Variants in CSMD1 observed in about 807,000 individuals in gnomAD.
CSMD1 encodes the protein CUB and sushi domain-containing protein 1.
In CSMD1, 213 loss-of-function variants were observed where a neutral mutation model predicts 417.5. That is an observed-to-expected ratio of 0.51 (90% confidence interval 0.46 to 0.57). CSMD1 has a LOEUF of 0.57. Among genes scored for constraint, CSMD1 ranks in the 20% least tolerant of loss-of-function variants. The pLI is 0.00. For synonymous variants in CSMD1, 2,862 were observed against 1,736.8 expected, an observed-to-expected ratio of 1.65 and a Z score of -16.11; for missense variants, 6,923 against 4,529.7, an observed-to-expected ratio of 1.53 and a Z score of -15.17.
At chr8:3,856,580 C>A (rs939356721) in intron 5 of CSMD1, among the ~76,000 whole-genome samples, 21 of 152,154 alleles carry the variant, frequency 1.4e-4, no homozygotes, top group Admixed American at 6.6e-5. Flanking sequence ...GTATGGCAGA[C>A]TGTATTCTAA....
intron 7 of CSMD1, among the ~76,000 whole-genome samples, chr8:3,694,902 G>A (rs1196597285): frequency 6.6e-6 from 1 of 151,998 alleles, no homozygotes; most frequent in African/African-American, 2.4e-5. Flanking sequence ...GGGTGTGAGG[G>A]GAAATCGCAC....
chr8:3,779,395 G>A (rs533244598), intron 5 of CSMD1, among the ~76,000 whole-genome samples: 1 of 152,264 alleles, frequency 6.6e-6, no homozygotes, highest in Non-Finnish European at 1.5e-5. Context: ...CAGAAACCCT[G>A]TAATCGATGA....
intron 16 of CSMD1, among the ~76,000 whole-genome samples, chr8:3,396,599 T>C (rs1277468849): frequency 1.3e-5 from 2 of 152,170 alleles, no homozygotes; most frequent in African/African-American, 4.8e-5. Flanking sequence ...TATCTAATAT[T>C]CTGTCTTACA....
Position 3,668,120 on chromosome 8 carries a change from T to C in CSMD1, c.1009+40294A>G, listed in dbSNP as rs997126494. ...GCTAGAAGGCAATGGGGAGAGAGCG[T>C]TGAACACAATTTGGACAGATAACGA... On this transcript the variant is annotated intron_variant, in intron 7 of 69. Coordinates refer to ENST00000635120, the MANE Select transcript of CSMD1 (RefSeq NM_033225.6). Among the ~76,000 whole-genome samples, 9 of 152,164 alleles carry C rather than the reference T, an allele frequency of 5.9e-5. No individual in the cohort carries two copies. In the South Asian group the frequency reaches 1.0e-3, roughly 18 times the overall value.
chr8:4,381,715 C>A (rs189937239), intron 3 of CSMD1, among the ~76,000 whole-genome samples: 99 of 152,280 alleles, frequency 6.5e-4, no homozygotes, highest in African/African-American at 2.3e-3. Context: ...AAAGTTCACG[C>A]TGCCGTGGAT....
intron 50 of CSMD1, 62 bp downstream of exon 50, chr8:3,052,400 C>T: frequency 2.2e-6 from 3 of 1,386,480 alleles, no homozygotes; most frequent in Non-Finnish European, 2.9e-6. Flanking sequence ...CCGGACTTCT[C>T]CCGAAAGCAT....
At chr8:3,237,678 T>A (rs1799236573) in intron 26 of CSMD1, among the ~76,000 whole-genome samples, 1 of 143,914 alleles carries the variant, frequency 6.9e-6, no homozygotes, top group Non-Finnish European at 1.5e-5. Flanking sequence ...ATAATTTTTA[T>A]AATTATACTT....
intron 13 of CSMD1, among the ~76,000 whole-genome samples, chr8:3,408,876 T>C (rs1812513114): frequency 6.6e-6 from 1 of 152,220 alleles, no homozygotes; most frequent in Admixed American, 6.5e-5. Context: ...TTCCATATAA[T>C]TTTGTACACA....
intron 3 of CSMD1, among the ~76,000 whole-genome samples, chr8:4,079,540 C>G (rs997524138): frequency 6.6e-6 from 1 of 152,160 alleles, no homozygotes; most frequent in Admixed American, 6.5e-5. Context: ...GATGCCAAAA[C>G]ACTGAAGATA....
intron 4 of CSMD1, among the ~76,000 whole-genome samples, chr8:3,998,341 G>T (rs1815388585): frequency 1.3e-5 from 2 of 152,136 alleles, no homozygotes; most frequent in African/African-American, 4.8e-5. Context: ...GGGAAAGATG[G>T]AAACGGTGGC....
intron 10 of CSMD1, among the ~76,000 whole-genome samples, chr8:3,528,450 T>C (rs1008890222): frequency 5.3e-5 from 8 of 152,222 alleles, no homozygotes; most frequent in Non-Finnish European, 1.0e-4. Context: ...TGCCTGCTTC[T>C]ATGCCTTGCT....
chr8:4,598,988 G>A (rs1018658106), intron 2 of CSMD1, among the ~76,000 whole-genome samples: 19 of 152,086 alleles, frequency 1.2e-4, no homozygotes, highest in African/African-American at 4.1e-4. Context: ...AGAAAGTTAC[G>A]TGTACCAGAA....
chr8:4,221,392 AAC>A lies in CSMD1; in HGVS notation c.416-189295_416-189294del, dbSNP rs1170118965. ...AAGGAAAGTGAGAAAAAAAAAAAAAAACAACACATTGACAGCAGCAAAACTTG... is the reference window on the plus strand; with the variant it reads ...AAGGAAAGTGAGAAAAAAAAAAAAAAAACACATTGACAGCAGCAAAACTTG... On this transcript the variant is annotated intron_variant, in intron 3 of 69. Transcript: ENST00000635120. Among the ~76,000 whole-genome samples, 146 of 151,214 alleles carry A rather than the reference AAC, an allele frequency of 9.7e-4. 1 individual carries two copies. The highest frequency in any genetic ancestry group is 3.6e-3 in the South Asian group (17 of 4,766).
chr8:4,048,985 G>A (rs528996968), intron 3 of CSMD1, among the ~76,000 whole-genome samples: 1 of 152,168 alleles, frequency 6.6e-6, no homozygotes, highest in South Asian at 2.1e-4. Flanking sequence ...ATTTCTCTAA[G>A]GTTGATACAA....
chr8:4,596,503 C>T (rs1449130448), intron 2 of CSMD1, among the ~76,000 whole-genome samples: 1 of 152,074 alleles, frequency 6.6e-6, no homozygotes, highest in Non-Finnish European at 1.5e-5. Flanking sequence ...GTATAACACA[C>T]AAGACTCTGT....
chr8:4,146,593 C>CTTTT (rs1208930261), intron 3 of CSMD1, among the ~76,000 whole-genome samples: 4,236 of 90,590 alleles, frequency 0.047, 1,030 homozygotes, highest in South Asian at 0.072. Flanking sequence ...TATATGGACA[C>CTTTT]ATTTTTTTTT....
chr8:3,893,468 G>A (rs1807137378), intron 5 of CSMD1, among the ~76,000 whole-genome samples: 1 of 150,312 alleles, frequency 6.7e-6, no homozygotes, highest in Admixed American at 6.7e-5. Flanking sequence ...TTTTGCAAAG[G>A]ATAAAGCAAA....
chr8:4,272,401 G>C (rs1405301204), intron 3 of CSMD1, among the ~76,000 whole-genome samples: 1 of 152,148 alleles, frequency 6.6e-6, no homozygotes, highest in African/African-American at 2.4e-5. Context: ...AAGACCTATA[G>C]ACAATGAGGA....
chr8:4,711,064 A>G (rs1808262234), intron 1 of CSMD1, among the ~76,000 whole-genome samples: 1 of 151,876 alleles, frequency 6.6e-6, no homozygotes, highest in African/African-American at 2.4e-5. Context: ...AGGCAAAATC[A>G]TGACATGATA....
Sources: allele counts gnomAD v4.1 joint callset (sites outside exome capture counted in the v4.1 genomes callset), GRCh38; gene constraint gnomAD v4.1.1; transcripts MANE v1.5; gene names NCBI Gene and HGNC (gene_info 2026-07-23, HGNC 2026-07-21).